SERPINE2: variants seen among roughly 807,000 people sequenced by gnomAD.
SERPINE2 encodes the protein glia-derived nexin.
In SERPINE2, 14 loss-of-function variants were observed where a neutral mutation model predicts 36.3. That is an observed-to-expected ratio of 0.39 (90% CI 0.25 to 0.60). The LOEUF (loss-of-function observed/expected upper bound fraction) is 0.60. Ranked by LOEUF, SERPINE2 falls within the 20% of genes least tolerant of loss-of-function variation. The pLI is 0.57. For missense variants in SERPINE2, 418 were observed against 499.6 expected (o/e 0.84, Z 1.56); for synonymous variants, 192 against 191.8 (o/e 1.00, Z -0.01).
intron 1 of SERPINE2, among the ~76,000 whole-genome samples, chr2:224,034,962 A>G (rs565510825): frequency 6.6e-6 from 1 of 152,208 alleles, no homozygotes; most frequent in African/African-American, 2.4e-5. Context: ...TCATCTTTCA[A>G]TCTTGAGATA....
intron 1 of SERPINE2, among the ~76,000 whole-genome samples, chr2:224,002,442 C>A (rs989842289): frequency 2.0e-5 from 3 of 152,102 alleles, no homozygotes; most frequent in African/African-American, 7.2e-5. Flanking sequence ...TGGGTCCTTA[C>A]AATGTGCCAG....
intron 1 of SERPINE2, among the ~76,000 whole-genome samples, chr2:224,029,246 C>T (rs567969998): frequency 6.6e-6 from 1 of 152,338 alleles, no homozygotes; most frequent in South Asian, 2.1e-4. Context: ...AAAGAAAGCT[C>T]TCCCTTACAA....
intron 1 of SERPINE2, among the ~76,000 whole-genome samples, chr2:224,003,949 G>A (rs911054645): frequency 6.6e-6 from 1 of 152,136 alleles, no homozygotes; most frequent in Non-Finnish European, 1.5e-5. Context: ...GAAAGCATGG[G>A]CACAACCACA....
intron 1 of SERPINE2, among the ~76,000 whole-genome samples, chr2:224,035,193 T>A (rs531208870): frequency 6.6e-6 from 1 of 152,094 alleles, no homozygotes; most frequent in Non-Finnish European, 1.5e-5. Context: ...AGGCTGTCGA[T>A]GATCGTCTCA....
Position 223,998,355 on chromosome 2 carries a change from T to A in SERPINE2, c.260-13A>T. 2 of 1,583,534 alleles carry A rather than the reference T, an allele frequency of 1.3e-6. No individual in the cohort carries two copies. Among genetic ancestry groups the A allele is most frequent in the Non-Finnish European group, 8.7e-7 (1 of 1,152,466 alleles). The stretch of plus-strand genomic sequence containing the variant: ...ATTTTACCAACTCCTAAAAGAGAAA[T>A]CAGAAGATACAGCAATACTTCCATA... On this transcript the variant is annotated splice_polypyrimidine_tract_variant and intron_variant, in intron 2 of 8. Transcript: ENST00000409304.
intron 5 of SERPINE2, among the ~76,000 whole-genome samples, chr2:223,983,821 G>A (rs1315241993): frequency 1.3e-5 from 2 of 150,988 alleles, no homozygotes; most frequent in African/African-American, 2.4e-5. Flanking sequence ...TCATCCTGTG[G>A]AAGAGCACTA....
chr2:224,017,267 T>A (rs200077310), intron 1 of SERPINE2, among the ~76,000 whole-genome samples: 1 of 1,186 alleles, frequency 8.4e-4, no homozygotes, highest in Non-Finnish European at 0.083. Context: ...GAATTACTAC[T>A]TTTTTTTTTT....
intron 4 of SERPINE2, among the ~76,000 whole-genome samples, chr2:223,990,092 G>C (rs1352228721): frequency 6.6e-6 from 1 of 152,100 alleles, no homozygotes; most frequent in Non-Finnish European, 1.5e-5. Flanking sequence ...CTCTGTAAGG[G>C]GGGGCTTGGG....
chr2:224,010,090 T>C (rs1691571654), intron 1 of SERPINE2, among the ~76,000 whole-genome samples: 1 of 152,208 alleles, frequency 6.6e-6, no homozygotes, highest in African/African-American at 2.4e-5. Context: ...ACATCTTGGT[T>C]ATCCTTGGGA....
intron 1 of SERPINE2, 42 bp from the exon 2 acceptor site, chr2:224,001,964 G>A (rs769925547): frequency 1.3e-6 from 2 of 1,506,070 alleles, no homozygotes; most frequent in African/African-American, 1.4e-5. Flanking sequence ...ATACTTAAAT[G>A]GGTACTTTAC....
chr2:224,031,413 G>C, intron 1 of SERPINE2: 1 of 985,660 alleles, frequency 1.0e-6, no homozygotes, highest in Non-Finnish European at 1.2e-6. Flanking sequence ...AAAACAGAAA[G>C]AAAGGCAGCT....
intron 3 of SERPINE2, among the ~76,000 whole-genome samples, chr2:223,994,606 A>G (rs181461637): frequency 3.0e-4 from 46 of 152,344 alleles, no homozygotes; most frequent in African/African-American, 1.1e-3. Context: ...GGCTGACATA[A>G]AATAACTTGG....
intron 2 of SERPINE2, among the ~76,000 whole-genome samples, chr2:223,999,121 T>A (rs1691005966): frequency 6.6e-6 from 1 of 152,156 alleles, no homozygotes; most frequent in Non-Finnish European, 1.5e-5. Flanking sequence ...AAAAAATGAA[T>A]AAAATAAGCA....
intron 1 of SERPINE2, chr2:224,031,351 T>C: frequency 1.0e-6 from 1 of 985,410 alleles, no homozygotes; most frequent in Non-Finnish European, 1.2e-6. Context: ...AGCATCTAGC[T>C]GAGAGGCAGG....
chr2:224,004,428 G>A (rs1353022149), intron 1 of SERPINE2, among the ~76,000 whole-genome samples: 1 of 152,168 alleles, frequency 6.6e-6, no homozygotes, highest in East Asian at 1.9e-4. Context: ...AACTCAGCCC[G>A]TCTAAATTCA....
intron 1 of SERPINE2, among the ~76,000 whole-genome samples, chr2:224,037,886 C>A (rs1041755113): frequency 6.6e-6 from 1 of 152,126 alleles, no homozygotes; most frequent in Non-Finnish European, 1.5e-5. Flanking sequence ...TATTTTCAAA[C>A]ATTATTTTAA....
chr2:224,002,971 AT>A (rs1237754317), intron 1 of SERPINE2, among the ~76,000 whole-genome samples: 4 of 152,128 alleles, frequency 2.6e-5, no homozygotes, highest in Non-Finnish European at 4.4e-5. Context: ...CCAGCAAGCA[AT>A]AAAGCATTTT....
At chr2:224,011,520 G>A (rs1290046293) in intron 1 of SERPINE2, among the ~76,000 whole-genome samples, 1 of 152,154 alleles carries the variant, frequency 6.6e-6, no homozygotes, top group Non-Finnish European at 1.5e-5. Context: ...ACTGGGCCAT[G>A]AACATGATTT....
intron 1 of SERPINE2, among the ~76,000 whole-genome samples, chr2:224,034,484 G>A (rs1264028932): frequency 2.0e-5 from 3 of 152,146 alleles, no homozygotes; most frequent in African/African-American, 4.8e-5. Context: ...AAGGAGATGG[G>A]AAGGGAGTGA....
Sources: allele counts gnomAD v4.1 joint callset (sites outside exome capture counted in the v4.1 genomes callset), GRCh38; gene constraint gnomAD v4.1.1; transcripts MANE v1.5; gene names NCBI Gene and HGNC (gene_info 2026-07-23, HGNC 2026-07-21).